Variants in CASKIN1 observed in about 807,000 individuals in gnomAD.
CASKIN1 encodes the protein caskin-1.
CASKIN1 carries 42 observed loss-of-function variants against 117.5 expected under a neutral mutation model. The ratio of observed to expected loss-of-function variants is 0.36; its 90% CI spans 0.28 to 0.46. CASKIN1 has a LOEUF of 0.46. CASKIN1 is among the 20% of genes least tolerant of loss of function. The pLI, the probability that CASKIN1 is intolerant of heterozygous loss-of-function variation, is 1.00. For synonymous variants in CASKIN1, 1,148 were observed against 961.7 expected (o/e 1.19, Z -3.59); for missense variants, 2,083 against 2,077.3 (o/e 1.00, Z -0.05).
intron 14 of CASKIN1, among the ~76,000 whole-genome samples, chr16:2,184,259 C>T (rs932402261): frequency 6.6e-5 from 10 of 152,154 alleles, no homozygotes; most frequent in African/African-American, 1.7e-4. Flanking sequence ...GGACGCCCCA[C>T]GCCATCTTGG....
In CASKIN1 at chr16:2,182,860, G is replaced by C. The variant is rs112674749; in HGVS notation, c.1629+786C>G. Among the ~76,000 whole-genome samples, 10 of 152,310 alleles carry C rather than the reference G, an allele frequency of 6.6e-5. No homozygotes were observed. The highest frequency in any genetic ancestry group is 2.2e-4 in the African/African-American group (9 of 41,566). ...GGCTGGAGTGCAGTGGCGCAATCTC[G>C]GCTCACTGCAAGCTCCGCCTCCCGG... is the stretch of plus-strand genomic sequence containing the variant. On this transcript the variant is annotated intron_variant, in intron 16 of 19. Coordinates refer to ENST00000343516, the MANE Select transcript of CASKIN1 (RefSeq NM_020764.4). The surrounding 1 kb of genome is among the most constrained non-coding windows in gnomAD (Gnocchi z 4.1).
Position 2,179,596 on chromosome 16 carries a change from G to C in CASKIN1, c.3772C>G (p.Pro1258Ala), listed in dbSNP as rs777009584. The C allele has an allele frequency of 6.2e-6, 9 of 1,443,662 alleles. No individual in the cohort carries two copies. Among genetic ancestry groups the C allele is most frequent in the Non-Finnish European group, 8.1e-6 (9 of 1,104,356 alleles). The allele number at this position is 1,443,662 out of a possible 1,614,324, so 89.4% of individuals were successfully genotyped here. Residue 1258 changes from proline to alanine, a missense_variant, in exon 18 of 20, where the codon CCA (proline) becomes GCA (alanine). Physicochemically the swap from Pro to Ala is conservative, Grantham distance 27. This residue lies in a region of CASKIN1 where 1,818 missense variants were observed against 1,688.9 expected (regional missense o/e 1.08). Transcript: ENST00000343516. The surrounding 1 kb of genome is among the most constrained non-coding windows in gnomAD (Gnocchi z 5.8). Reference sequence around the variant, plus strand: ...CACCCCACCCTGGCTGGCCTACCTGGGCTGCCAGGGCCTGGCAGCGGCACC... The same window carrying C: ...CACCCCACCCTGGCTGGCCTACCTGCGCTGCCAGGGCCTGGCAGCGGCACC... ...KKVPLPGPGSPEVKRAHGTPP... is the reference protein window; with the variant it reads ...KKVPLPGPGSAEVKRAHGTPP...
intron 5 of CASKIN1, 27 bp downstream of exon 5, chr16:2,189,211 C>T (rs757473560): frequency 3.7e-6 from 6 of 1,612,770 alleles, no homozygotes. Context: ...CCCAGCCCCA[C>T]CCCACAGGGC....
rs766598978 is a variant in CASKIN1 at position 2,181,470 on chromosome 16, G to A, written c.1898C>T (p.Ser633Leu). The change falls in exon 18 of 20, where the codon TCG becomes TTG. Residue 633 changes from serine (S) to leucine (L), a missense_variant. Physicochemically the swap from Ser to Leu is moderately radical, Grantham distance 145. Transcript: ENST00000343516. ...CGGTGTGGGCTCAGGCGGGGGCGGCGACTCGATGGCCATCACTTCAAGAGA... is the reference window on the plus strand; with the variant it reads ...CGGTGTGGGCTCAGGCGGGGGCGGCAACTCGATGGCCATCACTTCAAGAGA... ...PQSLEVMAIESPPPPEPTPAD... is the reference protein window; with the variant it reads ...PQSLEVMAIELPPPPEPTPAD... The A allele has an allele frequency of 5.8e-5, 94 of 1,611,568 alleles. No homozygotes were observed. The highest frequency in any genetic ancestry group is 4.5e-4 in the South Asian group (41 of 91,038).
intron 19 of CASKIN1, 52 bp downstream of exon 19, chr16:2,178,850 C>T (rs2093155419): frequency 7.3e-7 from 1 of 1,373,372 alleles, no homozygotes; most frequent in East Asian, 3.1e-5. Flanking sequence ...CGAGCCCCGC[C>T]CATCTCTGCC....
chr16:2,195,603 G>A (rs2093213469), intron 1 of CASKIN1, among the ~76,000 whole-genome samples: 2 of 152,228 alleles, frequency 1.3e-5, no homozygotes, highest in Admixed American at 6.5e-5. Context: ...CCGGCCATAG[G>A]GCAAGCTGGG....
rs1012424523 is a variant in CASKIN1, at chr16:2,178,064, C to T, written c.*486G>A. 72 of 480,558 alleles carry T rather than the reference C, an allele frequency of 1.5e-4. No individual in the cohort carries two copies. Among genetic ancestry groups the T allele is most frequent in the African/African-American group, 1.2e-3 (60 of 49,598 alleles). The allele number at this position is 480,558 out of a possible 1,614,324, so 29.8% of individuals were successfully genotyped here. On this transcript the variant is annotated 3_prime_UTR_variant, in exon 20 of 20. Coordinates refer to ENST00000343516, the MANE Select transcript of CASKIN1 (RefSeq NM_020764.4). Reference sequence around the variant, plus strand: ...AAATATATATTTGTTAAAGTTATACCTTTTTGTTTCTCTGGGGAAATCCGC... The same window carrying T: ...AAATATATATTTGTTAAAGTTATACTTTTTTGTTTCTCTGGGGAAATCCGC...
Position 2,189,063 on chromosome 16 carries a change from T to G in CASKIN1, c.581A>C (p.His194Pro). Residue 194 changes from histidine to proline, a missense_variant, in exon 6 of 20, where the codon CAC (histidine) becomes CCC (proline). By Grantham distance (77) the His-to-Pro change is moderately conservative. Transcript: ENST00000343516. ...ATDPNGTSPLHLAAKNGHIDI... is the reference protein window; with the variant it reads ...ATDPNGTSPLPLAAKNGHIDI... Reference sequence around the variant, plus strand: ...GATGTGGCCGTTTTTAGCTGCGAGGTGCAAAGGGCTGGTGCCGTTGGGGTC... The same window carrying G: ...GATGTGGCCGTTTTTAGCTGCGAGGGGCAAAGGGCTGGTGCCGTTGGGGTC... 1 of 1,613,508 alleles carries G rather than the reference T, an allele frequency of 6.2e-7. No homozygotes were observed. The highest frequency in any genetic ancestry group is 8.5e-7 in the Non-Finnish European group (1 of 1,179,720).
chr16:2,196,216 T>TGGCCC lies in CASKIN1; in HGVS notation c.94+118_94+122dup. 3.7e-6 allele frequency: 1 copy of TGGCCC among 273,826 alleles called. No individual in the cohort carries two copies. Among genetic ancestry groups the TGGCCC allele is most frequent in the Non-Finnish European group, 6.5e-6 (1 of 154,730 alleles). The allele number at this position is 273,826 out of a possible 1,614,324, so 17.0% of individuals were successfully genotyped here. ...CACGGACCAAGGGTCTGGGCGCTGC[T>TGGCCC]GGCCCCGCCCCGCCCCCGGGGACCC... On this transcript the variant is annotated intron_variant, in intron 1 of 19. Coordinates refer to ENST00000343516, the MANE Select transcript of CASKIN1 (RefSeq NM_020764.4). This position sits in a 1 kb window ranked among gnomAD's most constrained non-coding sequence, Gnocchi z 5.7.
chr16:2,182,772 C>T lies in CASKIN1; in HGVS notation c.1630-843G>A, dbSNP rs994328502. On this transcript the variant is annotated intron_variant, in intron 16 of 19. Coordinates refer to ENST00000343516, the MANE Select transcript of CASKIN1 (RefSeq NM_020764.4). This position sits in a 1 kb window ranked among gnomAD's most constrained non-coding sequence, Gnocchi z 4.1. ...CCTTCTTCAGGCCCGGAACCCATCC[C>T]ACTGCACAGGCACCTCCCTGTTGTT... is the stretch of plus-strand genomic sequence containing the variant. Among the ~76,000 whole-genome samples, 20 of 152,132 alleles carry T rather than the reference C, an allele frequency of 1.3e-4. No individual in the cohort carries two copies. The highest frequency in any genetic ancestry group is 2.9e-4 in the Non-Finnish European group (20 of 68,038).
At chr16:2,188,825 GAC>G in intron 6 of CASKIN1, 200 bp downstream of exon 6, 1 of 678,304 alleles carries the variant, frequency 1.5e-6, no homozygotes, top group South Asian at 2.1e-5. Flanking sequence ...CTGGGACAGA[GAC>G]GTCGCAGAAG....
In CASKIN1 at chr16:2,177,679, C is replaced by A; in HGVS notation, c.*871G>T. The stretch of plus-strand genomic sequence containing the variant: ...AGGAGCTGCAAGCCCGTGGCCTGGC[C>A]TGCTACATGCCCTGCTTCCACGTGG... On this transcript the variant is annotated 3_prime_UTR_variant, in exon 20 of 20. Coordinates refer to ENST00000343516, the MANE Select transcript of CASKIN1 (RefSeq NM_020764.4). 4.1e-6 allele frequency: 1 copy of A among 242,978 alleles called. No homozygotes were observed. The highest frequency in any genetic ancestry group is 8.1e-6 in the Non-Finnish European group (1 of 123,530). The allele number at this position is 242,978 out of a possible 1,614,324, so 15.1% of individuals were successfully genotyped here. A position where few individuals can be genotyped will look rare whatever the true frequency, so the allele number is the denominator to read the frequency against.
In CASKIN1 at chr16:2,178,005, G is replaced by A. The variant is rs1038895788; in HGVS notation, c.*545C>T. The A allele has an allele frequency of 5.0e-6, 2 of 400,228 alleles. No individual in the cohort carries two copies. The highest frequency in any genetic ancestry group is 9.4e-6 in the Non-Finnish European group (2 of 212,230). 24.8% of individuals were successfully genotyped at this position (400,228 alleles called of 1,614,324 possible). On this transcript the variant is annotated 3_prime_UTR_variant, in exon 20 of 20. Coordinates refer to ENST00000343516, the MANE Select transcript of CASKIN1 (RefSeq NM_020764.4). ...CTTCGTGTCCTTTCAGTTGGTAAAT[G>A]GTTTTCTATAGAATCAATAATATTT...
chr16:2,177,922 G>A lies in CASKIN1; in HGVS notation c.*628C>T, dbSNP rs1408603932. 5 of 342,934 alleles carry A rather than the reference G, an allele frequency of 1.5e-5. No homozygotes were observed. Among genetic ancestry groups the A allele is most frequent in the South Asian group, 1.2e-4 (4 of 32,672 alleles). The allele number at this position is 342,934 out of a possible 1,614,324, so 21.2% of individuals were successfully genotyped here. Reference sequence around the variant, plus strand: ...GCAGCCTGGGGCCTCCACTCTGGCCGGAGGAAGGACCGCAGGCAGACAGCC... The same window carrying A: ...GCAGCCTGGGGCCTCCACTCTGGCCAGAGGAAGGACCGCAGGCAGACAGCC... On this transcript the variant is annotated 3_prime_UTR_variant, in exon 20 of 20. Transcript: ENST00000343516.
At chr16:2,191,367 C>T (rs946800351) in intron 1 of CASKIN1, among the ~76,000 whole-genome samples, 19 of 152,188 alleles carry the variant, frequency 1.2e-4, no homozygotes, top group Non-Finnish European at 2.2e-4. Flanking sequence ...GGTGCGGGTC[C>T]CCTGATGACC....
intron 6 of CASKIN1, chr16:2,188,757 G>C (rs2093192256): frequency 4.5e-6 from 2 of 445,518 alleles, no homozygotes; most frequent in Non-Finnish European, 8.0e-6. Context: ...TTTACGGATG[G>C]GAAAGTGAGG....
chr16:2,178,893 CG>C lies in CASKIN1; in HGVS notation c.4199+8del, dbSNP rs1192308695. On this transcript the variant is annotated splice_region_variant and intron_variant, in intron 19 of 19. Coordinates refer to ENST00000343516, the MANE Select transcript of CASKIN1 (RefSeq NM_020764.4). ...GCCCTCCGCCCGCCAGGCCCCGCCCCGCACCTACCGCGGGCCCTGCGCGTCC... is the reference window on the plus strand; with the variant it reads ...GCCCTCCGCCCGCCAGGCCCCGCCCCCACCTACCGCGGGCCCTGCGCGTCC... 5 of 1,448,262 alleles carry C rather than the reference CG, an allele frequency of 3.5e-6. No individual in the cohort carries two copies. The highest frequency in any genetic ancestry group is 4.5e-6 in the Non-Finnish European group (5 of 1,110,496). 89.7% of individuals were successfully genotyped at this position (1,448,262 alleles called of 1,614,324 possible). A position where few individuals can be genotyped will look rare whatever the true frequency, so the allele number is the denominator to read the frequency against.
intron 19 of CASKIN1, 41 bp from the exon 20 acceptor site, chr16:2,178,687 G>T: frequency 6.5e-7 from 1 of 1,535,060 alleles, no homozygotes; most frequent in Non-Finnish European, 8.8e-7. Context: ...GGCGGGGCGG[G>T]TCTGGCCACG....
At position 2,187,037 on chromosome 16, in the gene CASKIN1, C is replaced by T. The variant is rs1348040024; in HGVS notation, c.871G>A (p.Asp291Asn). The T allele has an allele frequency of 3.1e-6, 5 of 1,613,622 alleles. No homozygotes were observed. Among genetic ancestry groups the T allele is most frequent in the African/African-American group, 2.7e-5 (2 of 74,902 alleles). The change falls in exon 9 of 20, where the codon GAT (aspartate) becomes AAT (asparagine). Residue 291 changes from aspartate to asparagine, a missense_variant. Physicochemically the swap from Asp to Asn is conservative, Grantham distance 23. Transcript: ENST00000343516. ...SAALQVRATK[D>N]YCNNYDLTSL... ...GTCAGGTCGTAATTGTTGCAATAAT[C>T]CTTGGTCGCCCGGACCTGCAGGGCC...
Sources: allele counts gnomAD v4.1 joint callset (sites outside exome capture counted in the v4.1 genomes callset), GRCh38; gene constraint gnomAD v4.1.1; regional missense constraint gnomAD v4.1.1; non-coding constraint Gnocchi (gnomAD v3.1); transcripts MANE v1.5; gene names NCBI Gene and HGNC (gene_info 2026-07-23, HGNC 2026-07-21).